The following ARHGEF26 variants were observed in gnomAD, a reference collection of about 807,000 sequenced individuals.
ARHGEF26 encodes the protein Rho guanine nucleotide exchange factor (GEF) 26.
ARHGEF26 carries 59 observed loss-of-function variants against 89.4 expected under a neutral mutation model. That is an observed-to-expected ratio of 0.66 (90% CI 0.54 to 0.82). The LOEUF is 0.82. Among genes scored for constraint, ARHGEF26 ranks in the 40% least tolerant of loss-of-function variants. The pLI, the probability that ARHGEF26 is intolerant of heterozygous loss-of-function variation, is 0.00. For synonymous variants in ARHGEF26, 500 were observed against 428.4 expected, an observed-to-expected ratio of 1.17 and a Z score of -2.06; for missense variants, 1,234 against 1,085.6, an observed-to-expected ratio of 1.14 and a Z score of -1.92.
intron 6 of ARHGEF26, among the ~76,000 whole-genome samples, chr3:154,170,687 C>T (rs1224535939): frequency 2.0e-5 from 3 of 152,166 alleles, no homozygotes; most frequent in East Asian, 1.9e-4. Context: ...GGAAGTTAAA[C>T]GAATCAGTCA....
intron 9 of ARHGEF26, among the ~76,000 whole-genome samples, chr3:154,210,852 A>G (rs1715318699): frequency 6.6e-6 from 1 of 151,438 alleles, no homozygotes; most frequent in South Asian, 2.1e-4. Context: ...CTGAGGCAGG[A>G]GAATTACTTG....
chr3:154,183,735 C>G (rs369208879), intron 6 of ARHGEF26, among the ~76,000 whole-genome samples: 1 of 152,174 alleles, frequency 6.6e-6, no homozygotes, highest in South Asian at 2.1e-4. Flanking sequence ...GTAGCATAAA[C>G]AGAAATTTAA....
At chr3:154,253,014 CTCT>C (rs968833496) in intron 12 of ARHGEF26, 99 bp from the exon 13 acceptor site, 3 of 1,295,040 alleles carry the variant, frequency 2.3e-6, no homozygotes, top group Admixed American at 1.9e-5. Context: ...TCTAGAGAAT[CTCT>C]TGTTTTCTGG....
chr3:154,124,688 T>C (rs1718221890), intron 3 of ARHGEF26, among the ~76,000 whole-genome samples: 1 of 152,178 alleles, frequency 6.6e-6, no homozygotes, highest in African/African-American at 2.4e-5. Flanking sequence ...TCCTGGGATT[T>C]TTAATTCTTC....
In ARHGEF26 at chr3:154,257,224, C is replaced by A; in HGVS notation, c.*1751C>A. On this transcript the variant is annotated 3_prime_UTR_variant, in exon 15 of 15. Coordinates refer to ENST00000465093, the MANE Select transcript of ARHGEF26 (RefSeq NM_015595.4). The stretch of plus-strand genomic sequence containing the variant: ...GCTCTTTTTGACCTGTGCATACCTT[C>A]TAATTGTAAAATATATTTCAGACCG... 1.0e-5 allele frequency: 3 copies of A among 301,182 alleles called. No homozygotes were observed. Among genetic ancestry groups the A allele is most frequent in the Non-Finnish European group, 1.8e-5 (3 of 165,050 alleles). 18.7% of individuals were successfully genotyped at this position (301,182 alleles called of 1,614,324 possible).
At chr3:154,227,838 G>C (rs990704033) in intron 11 of ARHGEF26, among the ~76,000 whole-genome samples, 2 of 152,130 alleles carry the variant, frequency 1.3e-5, no homozygotes, top group Non-Finnish European at 2.9e-5. Flanking sequence ...TACACTGACA[G>C]TACCAAGCCA....
At chr3:154,135,611 A>G (rs1718955061) in intron 4 of ARHGEF26, among the ~76,000 whole-genome samples, 1 of 152,190 alleles carries the variant, frequency 6.6e-6, no homozygotes, top group South Asian at 2.1e-4. Flanking sequence ...TGCCTCACCC[A>G]AAACAGCAGC....
At chr3:154,170,497 A>G (rs1712360761) in intron 6 of ARHGEF26, among the ~76,000 whole-genome samples, 1 of 152,252 alleles carries the variant, frequency 6.6e-6, no homozygotes, top group Non-Finnish European at 1.5e-5. Context: ...AGTTGCTGAC[A>G]GTGGTGTTAC....
chr3:154,151,822 C>G lies in ARHGEF26; in HGVS notation c.1327-950C>G, dbSNP rs376514730. On this transcript the variant is annotated intron_variant, in intron 5 of 14. Transcript: ENST00000465093. ...TGCTCCCACCCAGCCACAGTACCCT[C>G]TGCTCTTTGGGGCAAGGACTTGAAG... 1.2e-4 allele frequency among the ~76,000 whole-genome samples: 19 copies of G among 152,304 alleles called. No homozygotes were observed. In the East Asian group the frequency reaches 2.3e-3, roughly 19 times the overall value.
chr3:154,153,860 A>G (rs894986522), intron 6 of ARHGEF26, among the ~76,000 whole-genome samples: 1 of 151,914 alleles, frequency 6.6e-6, no homozygotes, highest in Non-Finnish European at 1.5e-5. Flanking sequence ...TTTTACCTCT[A>G]TCCTGGAGAT....
At chr3:154,217,484 T>TTGCC (rs1192564172) in intron 9 of ARHGEF26, among the ~76,000 whole-genome samples, 1 of 152,138 alleles carries the variant, frequency 6.6e-6, no homozygotes, top group Admixed American at 6.5e-5. Context: ...ATTTTGTAGG[T>TTGCC]TGCCTGTTCA....
intron 12 of ARHGEF26, among the ~76,000 whole-genome samples, chr3:154,251,330 T>C (rs1718132987): frequency 6.6e-6 from 1 of 152,190 alleles, no homozygotes; most frequent in Non-Finnish European, 1.5e-5. Flanking sequence ...ACCTGACACA[T>C]AGGTGCTTCA....
At chr3:154,130,440 C>G (rs1326623211) in intron 4 of ARHGEF26, among the ~76,000 whole-genome samples, 2 of 151,940 alleles carry the variant, frequency 1.3e-5, no homozygotes, top group Non-Finnish European at 2.9e-5. Flanking sequence ...CGCATCTAGC[C>G]CTTCCTTGGA....
intron 6 of ARHGEF26, among the ~76,000 whole-genome samples, chr3:154,157,111 T>G (rs1302655841): frequency 1.3e-5 from 2 of 151,776 alleles, no homozygotes; most frequent in African/African-American, 4.8e-5. Flanking sequence ...ATTCTGACTG[T>G]GTGTGTGTGT....
chr3:154,253,025 T>C, intron 12 of ARHGEF26, 91 bp from the exon 13 acceptor site: 2 of 1,391,568 alleles, frequency 1.4e-6, no homozygotes, highest in Non-Finnish European at 2.0e-6. Flanking sequence ...TCTTGTTTTC[T>C]GGGAGTGCCT....
chr3:154,214,658 G>A (rs1158090852), intron 9 of ARHGEF26, among the ~76,000 whole-genome samples: 1 of 151,820 alleles, frequency 6.6e-6, no homozygotes, highest in Non-Finnish European at 1.5e-5. Flanking sequence ...CAGAGCCTAG[G>A]ATGTAGACAA....
At chr3:154,225,819 A>G in intron 10 of ARHGEF26, 37 bp from the exon 11 acceptor site, 2 of 1,562,372 alleles carry the variant, frequency 1.3e-6, no homozygotes, top group South Asian at 1.2e-5. Flanking sequence ...AAGGATTTCA[A>G]TTTAGCTTTG....
At chr3:154,215,482 C>T (rs982846729) in intron 9 of ARHGEF26, among the ~76,000 whole-genome samples, 5 of 151,548 alleles carry the variant, frequency 3.3e-5, no homozygotes, top group Non-Finnish European at 7.4e-5. Flanking sequence ...ACATAGTAGG[C>T]ACTAAATAAA....
In ARHGEF26 at chr3:154,256,834, G is replaced by A; in HGVS notation, c.*1361G>A. On this transcript the variant is annotated 3_prime_UTR_variant, in exon 15 of 15. Transcript: ENST00000465093. ...GCTGTATTCAGAGTCCCTCTTAACT[G>A]TGAGTTTCTATAGAACTTTACTTTT... 6.5e-7 allele frequency: 1 copy of A among 1,529,430 alleles called. No individual in the cohort carries two copies. The highest frequency in any genetic ancestry group is 1.2e-5 in the South Asian group (1 of 82,752). 94.7% of individuals were successfully genotyped at this position (1,529,430 alleles called of 1,614,324 possible).
Sources: gnomAD v4.1 joint callset for allele counts (sites outside exome capture counted in the v4.1 genomes callset) on GRCh38, gnomAD v4.1.1 for gene constraint, MANE v1.5 for transcripts, NCBI Gene and HGNC (gene_info 2026-07-23, HGNC 2026-07-21) for gene names.